The following XG variants were observed in gnomAD, a reference collection of about 807,000 sequenced individuals.
The protein encoded by XG is Xg glycoprotein (Xg blood group).
In XG, 24 loss-of-function variants were observed where a neutral mutation model predicts 25.7. The ratio of observed to expected loss-of-function variants is 0.93; its 90% CI spans 0.68 to 1.31. XG has a LOEUF of 1.31. Among genes scored for constraint, XG ranks in the 40% most tolerant of loss-of-function variants. The pLI is 0.00. For synonymous variants in XG, 77 were observed against 69.2 expected (o/e 1.11, Z -0.56); for missense variants, 181 against 187.6 (o/e 0.96, Z 0.21).
At position 2,769,161 on chromosome X, in the gene XG, A is replaced by G. The variant is rs997393362; in HGVS notation, c.62-1389A>G. Among the ~76,000 whole-genome samples the G allele has an allele frequency of 3.0e-4, 46 of 152,180 alleles. 1 individual carries two copies. The highest frequency in any genetic ancestry group is 6.6e-4 in the Non-Finnish European group (45 of 68,024). On this transcript the variant is annotated intron_variant, in intron 1 of 10. Transcript: ENST00000644266. ...GCCTGCCCGGGTGGCATCTGACTGG[A>G]GCCATGCCACAGCCTATACGAATCT...
At chrX:2,763,095 C>A (rs1335041110) in intron 1 of XG, among the ~76,000 whole-genome samples, 1 of 152,176 alleles carries the variant, frequency 6.6e-6, no homozygotes, top group South Asian at 2.1e-4. Flanking sequence ...CTCAGTGCAA[C>A]CTCCAGCACC....
At chrX:2,763,490 G>T (rs903861000) in intron 1 of XG, among the ~76,000 whole-genome samples, 6 of 151,324 alleles carry the variant, frequency 4.0e-5, no homozygotes, top group African/African-American at 1.5e-4. Flanking sequence ...TGGGAGGGGG[G>T]TGGAAGGGGG....
At chrX:2,796,924 G>A (rs311184) in intron 6 of XG, among the ~76,000 whole-genome samples, 9,945 of 111,762 alleles carry the variant, frequency 0.089, 968 homozygotes, top group African/African-American at 0.29. Flanking sequence ...GAAAGGAGAA[G>A]CTGAGAACAT....
In XG at chrX:2,752,116, G is replaced by A. The variant is rs2124380843; in HGVS notation, c.-159G>A. On this transcript the variant is annotated 5_prime_UTR_variant, in exon 1 of 11. Transcript: ENST00000644266. ...TGGGATCTGAGCTTGGAGCCCATTT[G>A]TTTCTGGCAGTTCCGCTCATATTTT... The A allele has an allele frequency of 2.3e-6, 3 of 1,300,878 alleles. No homozygotes were observed. The East Asian group carries it at 7.0e-5, about 31-fold the overall frequency. 80.6% of individuals were successfully genotyped at this position (1,300,878 alleles called of 1,614,324 possible).
chrX:2,767,575 A>G (rs1359766874), intron 1 of XG, among the ~76,000 whole-genome samples: 1 of 152,168 alleles, frequency 6.6e-6, no homozygotes, highest in Non-Finnish European at 1.5e-5. Context: ...CCGTGAAAGC[A>G]ATGGCGTCAT....
chrX:2,780,064 T>C lies in XG; in HGVS notation c.128-2002T>C, dbSNP rs1266323639. On this transcript the variant is annotated intron_variant, in intron 3 of 10. Transcript: ENST00000644266. ...TTTGTATTACTTTTTATTGGATTGC[T>C]ATATTTTATTTTTTGAAATATTTTC... is the stretch of plus-strand genomic sequence containing the variant. Among the ~76,000 whole-genome samples the C allele has an allele frequency of 8.5e-5, 13 of 152,302 alleles. 1 individual carries two copies. The East Asian group carries it at 2.3e-3, about 27-fold the overall frequency.
intron 1 of XG, among the ~76,000 whole-genome samples, chrX:2,760,585 A>C (rs186156536): frequency 0.061 from 9,212 of 150,802 alleles, 881 homozygotes; most frequent in African/African-American, 0.21. Context: ...AATACAAAAA[A>C]AAAAAAAAAA....
At chrX:2,813,463 C>T (rs1297978444) in intron 10 of XG, among the ~76,000 whole-genome samples, 2 of 112,389 alleles carry the variant, frequency 1.8e-5, no homozygotes, top group African/African-American at 6.5e-5. Flanking sequence ...CAGGCTGCTG[C>T]TAATGGTACC....
At chrX:2,781,181 C>G (rs1239576707) in intron 3 of XG, among the ~76,000 whole-genome samples, 2 of 151,854 alleles carry the variant, frequency 1.3e-5, no homozygotes, top group African/African-American at 2.4e-5. Flanking sequence ...AAAAGCCCAC[C>G]GAGAGTTTTT....
chrX:2,754,065 T>A (rs2050385127), intron 1 of XG, among the ~76,000 whole-genome samples: 1 of 152,160 alleles, frequency 6.6e-6, no homozygotes, highest in Non-Finnish European at 1.5e-5. Flanking sequence ...TTGTATTAAA[T>A]GCACTTACAA....
rs1456552602 is a variant in XG at position 2,815,593 on chromosome X, G to T, written c.*1213G>T. The T allele has an allele frequency of 9.0e-6, 1 of 110,568 alleles. No homozygotes were observed. Among genetic ancestry groups the T allele is most frequent in the African/African-American group, 3.3e-5 (1 of 30,449 alleles). 9.1% of individuals were successfully genotyped at this position (110,568 alleles called of 1,213,427 possible). ...TCACATTAGGTACCTCGGAGTTGCG[G>T]GTCTCAAATGTGGATTCATGCATCA... is the stretch of plus-strand genomic sequence containing the variant. On this transcript the variant is annotated 3_prime_UTR_variant, in exon 11 of 11. Transcript: ENST00000644266.
chrX:2,773,521 A>AAGGAAGGAGAGAG (rs1569461984), intron 2 of XG, among the ~76,000 whole-genome samples: 14 of 95,398 alleles, frequency 1.5e-4, no homozygotes, highest in South Asian at 4.0e-4. Context: ...GAAGGAGAGA[A>AAGGAAGGAGAGAG]GGAAGGAAGG....
At chrX:2,814,266 T>C in intron 10 of XG, 98 bp from the exon 11 acceptor site, 1 of 1,028,008 alleles carries the variant, frequency 9.7e-7, no homozygotes, top group East Asian at 3.3e-5. Context: ...GAGTCTCTTG[T>C]AACAGCATAG....
chrX:2,793,842 G>A (rs2086859081), intron 5 of XG, among the ~76,000 whole-genome samples: 2 of 111,806 alleles, frequency 1.8e-5, no homozygotes, highest in Non-Finnish European at 1.9e-5. Context: ...TGAGGGCTGG[G>A]GTTAGGAGCA....
chrX:2,766,853 C>T (rs993801271), intron 1 of XG, among the ~76,000 whole-genome samples: 1 of 152,146 alleles, frequency 6.6e-6, no homozygotes, highest in African/African-American at 2.4e-5. Flanking sequence ...GTGTGAGCCA[C>T]CGCGCCCAGC....
chrX:2,754,073 C>G (rs1041126804), intron 1 of XG, among the ~76,000 whole-genome samples: 3 of 152,060 alleles, frequency 2.0e-5, no homozygotes, highest in African/African-American at 7.2e-5. Context: ...AATGCACTTA[C>G]AACATAAAAT....
At chrX:2,777,026 T>C (rs1477808055) in intron 3 of XG, among the ~76,000 whole-genome samples, 20 of 152,168 alleles carry the variant, frequency 1.3e-4, no homozygotes, top group Admixed American at 8.5e-4. Flanking sequence ...AGCATAAAGA[T>C]TTCCAACAAG....
intron 7 of XG, among the ~76,000 whole-genome samples, chrX:2,805,208 G>A (rs2086983738): frequency 8.9e-6 from 1 of 112,743 alleles, no homozygotes; most frequent in African/African-American, 3.2e-5. Flanking sequence ...GCCGCGGAGG[G>A]AAGCCCAAAG....
rs767910198 is a variant in XG at position 2,752,297 on chromosome X, C to T, written c.23C>T (p.Pro8Leu). MESWWGL[P>L]CLAFLCFLMH... Reference sequence around the variant, plus strand: ...ACCATGGAGAGCTGGTGGGGACTTCCCTGTCTTGCGTTCCTGTGTTTTCTA... The same window carrying T: ...ACCATGGAGAGCTGGTGGGGACTTCTCTGTCTTGCGTTCCTGTGTTTTCTA... The change falls in exon 1 of 11, where the codon CCC (proline) becomes CTC (leucine). Residue 8 changes from proline (P) to leucine (L), a missense_variant. By Grantham distance (98) the Pro-to-Leu change is moderately conservative. Transcript: ENST00000644266. 5 of 1,613,624 alleles carry T rather than the reference C, an allele frequency of 3.1e-6. No individual in the cohort carries two copies. In the Admixed American group the frequency reaches 5.0e-5, roughly 16 times the overall value.
Sources: allele counts gnomAD v4.1 joint callset (sites outside exome capture counted in the v4.1 genomes callset), GRCh38; gene constraint gnomAD v4.1.1; transcripts MANE v1.5; gene names NCBI Gene and HGNC (gene_info 2026-07-23, HGNC 2026-07-21).